Variants in NTNG1 observed in about 807,000 individuals in gnomAD.
NTNG1 encodes netrin-G1.
In NTNG1, 16 loss-of-function variants were observed where a neutral mutation model predicts 54.0. That is an observed-to-expected ratio of 0.30 (90% CI 0.20 to 0.45). The LOEUF (loss-of-function observed/expected upper bound fraction) is 0.45. Among genes scored for constraint, NTNG1 ranks in the 20% least tolerant of loss-of-function variants. NTNG1 has a pLI of 1.00. For missense variants in NTNG1, 530 were observed against 678.7 expected (o/e 0.78, Z 2.43); for synonymous variants, 255 against 263.1 (o/e 0.97, Z 0.30).
At chr1:107,477,926 A>G (rs1678433567) in intron 7 of NTNG1, among the ~76,000 whole-genome samples, 1 of 152,222 alleles carries the variant, frequency 6.6e-6, no homozygotes, top group Admixed American at 6.5e-5. Context: ...TTTCTTATAG[A>G]TATTTTATCA....
chr1:107,146,213 T>A (rs1215543701), intron 1 of NTNG1, among the ~76,000 whole-genome samples: 1 of 152,122 alleles, frequency 6.6e-6, no homozygotes, highest in African/African-American at 2.4e-5. Flanking sequence ...TCATTCTTGA[T>A]AAATAAATTA....
intron 2 of NTNG1, among the ~76,000 whole-genome samples, chr1:107,201,771 C>T (rs1334713632): frequency 6.6e-6 from 1 of 151,872 alleles, no homozygotes; most frequent in African/African-American, 2.4e-5. Flanking sequence ...TGTAGTTATT[C>T]ACACACAGAT....
At chr1:107,419,889 T>C (rs545252987) in intron 5 of NTNG1, among the ~76,000 whole-genome samples, 1 of 152,170 alleles carries the variant, frequency 6.6e-6, no homozygotes, top group African/African-American at 2.4e-5. Flanking sequence ...CTTAATCATC[T>C]GCTCCAAATG....
At chr1:107,415,692 C>T (rs1280430122) in intron 5 of NTNG1, among the ~76,000 whole-genome samples, 1 of 152,030 alleles carries the variant, frequency 6.6e-6, no homozygotes, top group Non-Finnish European at 1.5e-5. Context: ...ATACATTCCA[C>T]AACAGTTCAT....
In NTNG1 at chr1:107,187,184, G is replaced by A. The variant is rs185374443; in HGVS notation, c.246+38345G>A. ...TTACTCTCTGTATTTTTTTAAAAGA[G>A]TGTATTTATTTGTTTATTGCCTATC... On this transcript the variant is annotated intron_variant, in intron 2 of 7. Transcript: ENST00000370068. 2.0e-3 allele frequency among the ~76,000 whole-genome samples: 305 copies of A among 152,124 alleles called. 4 individuals carry two copies. The highest frequency in any genetic ancestry group is 6.9e-3 in the African/African-American group (287 of 41,524).
rs1227255278 is a variant in NTNG1, at chr1:107,482,534, C to G, written c.*1694C>G. 1.3e-5 allele frequency: 2 copies of G among 152,182 alleles called. No homozygotes were observed. Among genetic ancestry groups the G allele is most frequent in the Non-Finnish European group, 2.9e-5 (2 of 68,044 alleles). The allele number at this position is 152,182 out of a possible 1,614,324, so 9.4% of individuals were successfully genotyped here. Reference sequence around the variant, plus strand: ...GCTAAGACAGTGTGCATTTCGTTCCCAGCACACTGTTGTCCTACAGATTAC... The same window carrying G: ...GCTAAGACAGTGTGCATTTCGTTCCGAGCACACTGTTGTCCTACAGATTAC... On this transcript the variant is annotated 3_prime_UTR_variant, in exon 8 of 8. Transcript: ENST00000370068.
intron 2 of NTNG1, among the ~76,000 whole-genome samples, chr1:107,175,545 G>A (rs1353754858): frequency 2.0e-5 from 3 of 151,772 alleles, no homozygotes; most frequent in Non-Finnish European, 2.9e-5. Flanking sequence ...CAAAGCACTG[G>A]CAAACATTCT....
At chr1:107,231,728 C>G (rs1282492461) in intron 2 of NTNG1, among the ~76,000 whole-genome samples, 1 of 152,086 alleles carries the variant, frequency 6.6e-6, no homozygotes, top group East Asian at 1.9e-4. Flanking sequence ...GGGCCAGTTC[C>G]CAGTATCTGT....
chr1:107,225,014 C>T (rs970625935), intron 2 of NTNG1, among the ~76,000 whole-genome samples: 1 of 152,092 alleles, frequency 6.6e-6, no homozygotes, highest in Non-Finnish European at 1.5e-5. Context: ...TAGTACCTAG[C>T]ATATGTTAAT....
chr1:107,438,961 T>G (rs923254357), intron 7 of NTNG1, among the ~76,000 whole-genome samples: 2 of 152,108 alleles, frequency 1.3e-5, no homozygotes, highest in African/African-American at 4.8e-5. Context: ...ATTTATTCTT[T>G]TGAGTATGTA....
At chr1:107,432,351 C>T (rs1422610756) in intron 6 of NTNG1, among the ~76,000 whole-genome samples, 1 of 152,156 alleles carries the variant, frequency 6.6e-6, no homozygotes, top group African/African-American at 2.4e-5. Context: ...AAAAGTAAGG[C>T]AGATTGACCC....
intron 3 of NTNG1, among the ~76,000 whole-genome samples, chr1:107,338,812 G>A (rs1164795875): frequency 2.7e-5 from 4 of 150,270 alleles, no homozygotes; most frequent in Non-Finnish European, 5.9e-5. Flanking sequence ...AGCAGCCAAG[G>A]TCAAAACTTT....
Position 107,148,783 on chromosome 1 carries a change from A to G in NTNG1, c.190A>G (p.Lys64Glu), listed in dbSNP as rs1654333851. 1 of 1,613,612 alleles carries G rather than the reference A, an allele frequency of 6.2e-7. No homozygotes were observed. The highest frequency in any genetic ancestry group is 1.7e-5 in the Admixed American group (1 of 59,964). ...GGACATGACAAAATATCTGAAAGTG[A>G]AACTCGATCCTCCGGATATTACCTG... Reference protein sequence around the residue: ...STDMTKYLKVKLDPPDITCGD... With the variant: ...STDMTKYLKVELDPPDITCGD... The change falls in exon 2 of 8, where the codon AAA becomes GAA. Residue 64 changes from lysine (K) to glutamate (E), a missense_variant. This residue lies in a region of NTNG1 where 318 missense variants were observed against 465.1 expected (regional missense o/e 0.68). Coordinates refer to ENST00000370068, the MANE Select transcript of NTNG1 (RefSeq NM_001113226.3).
intron 5 of NTNG1, among the ~76,000 whole-genome samples, chr1:107,414,120 G>A (rs2101188744): frequency 6.6e-6 from 1 of 152,190 alleles, no homozygotes; most frequent in South Asian, 2.1e-4. Flanking sequence ...TCTGTTTCAA[G>A]CTTGCTTTGC....
chr1:107,310,479 G>A (rs932602890), intron 2 of NTNG1, among the ~76,000 whole-genome samples: 42 of 152,178 alleles, frequency 2.8e-4, no homozygotes, highest in African/African-American at 1.0e-3. Context: ...TCATGATGGT[G>A]GATCTGATAG....
At chr1:107,397,737 T>G (rs1672770460) in intron 4 of NTNG1, among the ~76,000 whole-genome samples, 1 of 152,094 alleles carries the variant, frequency 6.6e-6, no homozygotes, top group Non-Finnish European at 1.5e-5. Context: ...ATCAAACCTT[T>G]TTTTTTTTTC....
chr1:107,461,677 G>T (rs899984636), intron 7 of NTNG1, among the ~76,000 whole-genome samples: 2 of 151,982 alleles, frequency 1.3e-5, no homozygotes, highest in Non-Finnish European at 2.9e-5. Flanking sequence ...GGAACTACAG[G>T]TGTGCACCAC....
At chr1:107,397,249 G>C (rs1407944069) in intron 4 of NTNG1, among the ~76,000 whole-genome samples, 1 of 152,142 alleles carries the variant, frequency 6.6e-6, no homozygotes, top group African/African-American at 2.4e-5. Context: ...GATGGACCCA[G>C]TGTCCAAAGG....
At chr1:107,463,226 G>T (rs1024223304) in intron 7 of NTNG1, among the ~76,000 whole-genome samples, 2 of 152,282 alleles carry the variant, frequency 1.3e-5, no homozygotes, top group African/African-American at 4.8e-5. Flanking sequence ...ACATGAATTC[G>T]TTATGTGCTT....
Sources: gnomAD v4.1 joint callset for allele counts (sites outside exome capture counted in the v4.1 genomes callset) on GRCh38, gnomAD v4.1.1 for gene constraint, gnomAD v4.1.1 regional missense constraint, MANE v1.5 for transcripts, NCBI Gene and HGNC (gene_info 2026-07-23, HGNC 2026-07-21) for gene names.